TG: variants seen among roughly 807,000 people sequenced by gnomAD.
TG encodes thyroid hormones.
Under a neutral mutation model 324.7 loss-of-function variants are expected in TG, and 270 were observed. That is an observed-to-expected ratio of 0.83 (90% confidence interval 0.75 to 0.92). The LOEUF is 0.92. TG is among the 40% of genes least tolerant of loss of function. TG has a pLI of 0.00. For synonymous variants in TG, 1,401 were observed against 1,327.0 expected (o/e 1.06, Z -1.21); for missense variants, 3,591 against 3,456.4 (o/e 1.04, Z -0.98).
At chr8:133,004,936 C>G (rs532032292) in intron 35 of TG, among the ~76,000 whole-genome samples, 33 of 152,288 alleles carry the variant, frequency 2.2e-4, no homozygotes, top group African/African-American at 7.7e-4. Context: ...AAAGAAAAGA[C>G]AGTTCCTAGA....
intron 35 of TG, 47 bp from the exon 36 acceptor site, chr8:133,011,854 T>C (rs1834536794): frequency 6.2e-7 from 1 of 1,613,692 alleles, no homozygotes; most frequent in African/African-American, 1.3e-5. Flanking sequence ...TCTTTGTTAC[T>C]CACCAGGTGA....
intron 35 of TG, among the ~76,000 whole-genome samples, chr8:132,984,150 A>G (rs1831240245): frequency 6.6e-6 from 1 of 152,252 alleles, no homozygotes; most frequent in South Asian, 2.1e-4. Flanking sequence ...CTGCTCAGCC[A>G]AGAGGCCAAG....
chr8:132,893,562 T>G, intron 10 of TG, 128 bp from the exon 11 acceptor site: 1 of 1,255,828 alleles, frequency 8.0e-7, no homozygotes, highest in Non-Finnish European at 1.1e-6. Flanking sequence ...GGTGTGTATG[T>G]GTGTGGTGTG....
At chr8:133,067,136 C>A (rs1843147195) in intron 41 of TG, among the ~76,000 whole-genome samples, 1 of 152,144 alleles carries the variant, frequency 6.6e-6, no homozygotes, top group Non-Finnish European at 1.5e-5. Context: ...GTCTCCCTGG[C>A]AGGATTTCCG....
At chr8:133,121,326 C>T (rs549316632) in intron 45 of TG, among the ~76,000 whole-genome samples, 4 of 152,302 alleles carry the variant, frequency 2.6e-5, no homozygotes, top group African/African-American at 9.6e-5. Flanking sequence ...TCCTGAGCCT[C>T]TTTGAGGAGG....
chr8:132,945,466 G>T (rs189846654), intron 26 of TG, among the ~76,000 whole-genome samples: 1 of 152,182 alleles, frequency 6.6e-6, no homozygotes. Flanking sequence ...GTGGGTCCAT[G>T]TGGGGTATAC....
At chr8:132,914,342 G>C (rs1023888150) in intron 20 of TG, among the ~76,000 whole-genome samples, 1 of 152,200 alleles carries the variant, frequency 6.6e-6, no homozygotes, top group African/African-American at 2.4e-5. Flanking sequence ...GCTAAAGAAA[G>C]AGAAGATGTT....
intron 45 of TG, among the ~76,000 whole-genome samples, chr8:133,128,352 C>T (rs1851693697): frequency 6.7e-6 from 1 of 150,168 alleles, no homozygotes; most frequent in South Asian, 2.1e-4. Context: ...CACACACACA[C>T]ACACACACAC....
At chr8:133,061,418 T>C (rs1842354607) in intron 41 of TG, among the ~76,000 whole-genome samples, 1 of 152,050 alleles carries the variant, frequency 6.6e-6, no homozygotes, top group Non-Finnish European at 1.5e-5. Flanking sequence ...GAACGTGGCG[T>C]GGCATAGAAT....
intron 43 of TG, among the ~76,000 whole-genome samples, chr8:133,106,209 C>T (rs575733990): frequency 1.3e-5 from 2 of 152,252 alleles, no homozygotes; most frequent in Admixed American, 1.3e-4. Flanking sequence ...GCCCTCAGTC[C>T]AAGAGGAGGA....
At chr8:132,960,863 A>G in intron 27 of TG, 145 bp from the exon 28 acceptor site, 4 of 832,914 alleles carry the variant, frequency 4.8e-6, no homozygotes, top group Non-Finnish European at 8.3e-6. Context: ...AGCTGCAAGA[A>G]GCTTCTGGGT....
At chr8:133,124,649 C>T (rs1375878788) in intron 45 of TG, among the ~76,000 whole-genome samples, 2 of 152,124 alleles carry the variant, frequency 1.3e-5, no homozygotes, top group African/African-American at 4.8e-5. Context: ...TGCAGATGTT[C>T]AATGTTAGGT....
chr8:133,019,241 G>T (rs1055572926), intron 38 of TG, among the ~76,000 whole-genome samples: 2 of 152,148 alleles, frequency 1.3e-5, no homozygotes, highest in Non-Finnish European at 2.9e-5. Context: ...AAGCAGGTAG[G>T]ACACCCCCTC....
intron 43 of TG, among the ~76,000 whole-genome samples, chr8:133,108,718 A>G (rs147542551): frequency 2.0e-5 from 3 of 152,326 alleles, no homozygotes; most frequent in Non-Finnish European, 4.4e-5. Context: ...ATCTCTACAG[A>G]GGTCGTTCAT....
At chr8:133,130,461 T>G (rs534481790) in intron 45 of TG, among the ~76,000 whole-genome samples, 1 of 152,162 alleles carries the variant, frequency 6.6e-6, no homozygotes, top group African/African-American at 2.4e-5. Context: ...AGGGGAGTGT[T>G]CCAAAGAAAT....
chr8:132,900,474 G>A, intron 15 of TG, 135 bp downstream of exon 15: 6 of 801,962 alleles, frequency 7.5e-6, no homozygotes, highest in South Asian at 3.0e-5. Context: ...ACCTCACTAT[G>A]CCTCAGTTTT....
At position 132,893,728 on chromosome 8, in the gene TG, C is replaced by T; in HGVS notation, c.2800C>T (p.Gln934Ter). The T allele has an allele frequency of 6.2e-7, 1 of 1,613,884 alleles. No homozygotes were observed. Among genetic ancestry groups the T allele is most frequent in the Non-Finnish European group, 8.5e-7 (1 of 1,179,882 alleles). The change falls in exon 11 of 48, where the codon CAG becomes TAG. Residue 934 changes from glutamine to a stop codon, truncating the protein, a stop_gained. Coordinates refer to ENST00000220616, the MANE Select transcript of TG (RefSeq NM_003235.5). LOFTEE classifies it high-confidence loss of function. Reference protein sequence around the residue: ...SCEEAKLRVLQFIRETEEIVS... With the variant: ...SCEEAKLRVL ...TGAGGAAGCAAAGCTCCGTGTACTG[C>T]AGTTCATTAGGGAAACGGAAGAGAT...
At chr8:133,050,083 T>C in intron 41 of TG, 3 of 845,120 alleles carry the variant, frequency 3.5e-6, no homozygotes, top group Middle Eastern at 2.2e-4. Flanking sequence ...CCAGGACAGT[T>C]TGGAACATTC....
intron 39 of TG, among the ~76,000 whole-genome samples, chr8:133,020,980 C>T (rs1323221383): frequency 3.3e-5 from 5 of 152,242 alleles, no homozygotes; most frequent in East Asian, 1.9e-4. Flanking sequence ...GGATGGAGCA[C>T]GAGTTACCGG....
Sources: gnomAD v4.1 joint callset for allele counts (sites outside exome capture counted in the v4.1 genomes callset) on GRCh38, gnomAD v4.1.1 for gene constraint, MANE v1.5 for transcripts, NCBI Gene and HGNC (gene_info 2026-07-23, HGNC 2026-07-21) for gene names.